The following PFKL variants were observed in gnomAD, a reference collection of about 807,000 sequenced individuals.
PFKL encodes phosphofructokinase, liver type, also known as ATP-dependent 6-phosphofructokinase, liver type.
PFKL carries 74 observed loss-of-function variants against 92.1 expected under a neutral mutation model. That is an observed-to-expected ratio of 0.80 (90% CI 0.67 to 0.97). The LOEUF (loss-of-function observed/expected upper bound fraction) is 0.97. PFKL is among the 50% of genes least tolerant of loss of function. The probability of loss-of-function intolerance (pLI) is 0.00; values close to 1 mark genes in which losing one functional copy is unlikely to be tolerated. For synonymous variants in PFKL, 494 were observed against 456.4 expected (o/e 1.08, Z -1.05); for missense variants, 1,028 against 1,116.6 (o/e 0.92, Z 1.13).
intron 1 of PFKL, chr21:44,305,993 G>T (rs908402890): frequency 8.3e-7 from 1 of 1,210,488 alleles, no homozygotes; most frequent in Non-Finnish European, 1.1e-6. Flanking sequence ...GGCTGAGGCC[G>T]GAGGGGCTCT....
intron 1 of PFKL, 74 bp downstream of exon 1, chr21:44,300,264 C>A: frequency 1.4e-6 from 1 of 704,862 alleles, no homozygotes; most frequent in Non-Finnish European, 1.8e-6. Context: ...CCGGAGCGCC[C>A]GCCGAGCCCC....
chr21:44,325,369 C>T (rs777432758), intron 19 of PFKL, 105 bp downstream of exon 19: 245 of 748,556 alleles, frequency 3.3e-4, no homozygotes, highest in Middle Eastern at 3.1e-4. Flanking sequence ...CGGGCACTCC[C>T]GGCAGGCCCT....
In PFKL at chr21:44,316,611, G is replaced by A. The variant is rs527529423; in HGVS notation, c.936+87G>A. ...TGTGGGCAGTGTGCACGCGAGCATGGCACGTGCACTGTGTCCATGTGGCTG... is the reference window on the plus strand; with the variant it reads ...TGTGGGCAGTGTGCACGCGAGCATGACACGTGCACTGTGTCCATGTGGCTG... On this transcript the variant is annotated intron_variant, in intron 9 of 21. Coordinates refer to ENST00000349048, the MANE Select transcript of PFKL (RefSeq NM_002626.6). The A allele has an allele frequency of 1.3e-4, 121 of 965,750 alleles. 1 individual carries two copies. In the Admixed American group the frequency reaches 1.4e-3, roughly 11 times the overall value. 59.8% of individuals were successfully genotyped at this position (965,750 alleles called of 1,614,324 possible).
In PFKL at chr21:44,324,626, G is replaced by A. The variant is rs138177950; in HGVS notation, c.1786G>A (p.Glu596Lys). Reference protein sequence around the residue: ...AVGADAAYVFEDPFNIHDLKV... With the variant: ...AVGADAAYVFKDPFNIHDLKV... ...GGGGGCCGACGCCGCCTACGTCTTC[G>A]AGGACCCTTTCAACATCCACGACTT... Residue 596 changes from glutamate (E) to lysine (K), a missense_variant, in exon 17 of 22, where the codon GAG (glutamate) becomes AAG (lysine). Physicochemically the swap from Glu to Lys is moderately conservative, Grantham distance 56. Coordinates refer to ENST00000349048, the MANE Select transcript of PFKL (RefSeq NM_002626.6). 5.6e-6 allele frequency: 9 copies of A among 1,605,576 alleles called. No homozygotes were observed. The highest frequency in any genetic ancestry group is 1.7e-5 in the Admixed American group (1 of 59,348).
At chr21:44,306,398 C>T (rs554819105) in intron 1 of PFKL, among the ~76,000 whole-genome samples, 2 of 152,298 alleles carry the variant, frequency 1.3e-5, no homozygotes, top group East Asian at 1.9e-4. Flanking sequence ...ACCCGGGGGC[C>T]CAGGGCTGGT....
chr21:44,315,227 A>C (rs536130955), intron 7 of PFKL: 1 of 152,266 alleles, frequency 6.6e-6, no homozygotes, highest in Non-Finnish European at 1.5e-5. Context: ...TGTGACTCAC[A>C]TTGGGCCCTC....
chr21:44,308,568 T>C (rs994119893), intron 2 of PFKL, among the ~76,000 whole-genome samples: 1 of 150,152 alleles, frequency 6.7e-6, no homozygotes, highest in Non-Finnish European at 1.5e-5. Context: ...AATTTTTTTT[T>C]TTTTTTTTTT....
chr21:44,323,939 G>T lies in PFKL; in HGVS notation c.1650+21G>T, dbSNP rs743481. 14,804 of 1,612,634 alleles carry T rather than the reference G, an allele frequency of 9.2e-3. 751 individuals carry two copies. In the African/African-American group the frequency reaches 0.13, roughly 14 times the overall value. ...TGGAGGTACGGGGCTCCTGGACACC[G>T]GCCTGCCATGCCCAGGCCCTTGTGG... On this transcript the variant is annotated intron_variant, in intron 16 of 21. Transcript: ENST00000349048.
intron 12 of PFKL, 143 bp from the exon 13 acceptor site, chr21:44,321,586 T>G: frequency 1.4e-6 from 1 of 700,334 alleles, no homozygotes; most frequent in South Asian, 2.4e-5. Context: ...CCCAGGGCAG[T>G]TGGGCGGTGT....
At chr21:44,302,429 TC>T (rs2040804603) in intron 1 of PFKL, among the ~76,000 whole-genome samples, 1 of 152,194 alleles carries the variant, frequency 6.6e-6, no homozygotes, top group African/African-American at 2.4e-5. Flanking sequence ...GAGTCCTGTT[TC>T]ATGAGTTCGG....
intron 11 of PFKL, chr21:44,319,834 C>T (rs766142036): frequency 1.4e-5 from 7 of 514,776 alleles, no homozygotes; most frequent in East Asian, 3.3e-5. Context: ...AGGTGGCCAA[C>T]CCTCCCTTGA....
chr21:44,314,095 C>A, intron 7 of PFKL, 74 bp downstream of exon 7: 1 of 991,494 alleles, frequency 1.0e-6, no homozygotes, highest in Non-Finnish European at 1.5e-6. Context: ...GTTTTGGGAC[C>A]AGCCTTGACC....
At chr21:44,303,410 C>CAAAA (rs1190805609) in intron 1 of PFKL, among the ~76,000 whole-genome samples, 1 of 9,164 alleles carries the variant, frequency 1.1e-4, no homozygotes, top group Non-Finnish European at 1.9e-4. Context: ...GACTCTGTCT[C>CAAAA]AAAAAAAAAA....
At chr21:44,305,153 C>T (rs2040895170) in intron 1 of PFKL, 1 of 1,024,584 alleles carries the variant, frequency 9.8e-7, no homozygotes, top group Middle Eastern at 4.1e-4. Flanking sequence ...GAAGGTCCCT[C>T]ACCCTCCCTC....
chr21:44,319,031 G>T lies in PFKL; in HGVS notation c.1063-320G>T, dbSNP rs78152039. 2.0e-5 allele frequency among the ~76,000 whole-genome samples: 3 copies of T among 152,270 alleles called. No homozygotes were observed. In the East Asian group the frequency reaches 5.8e-4, roughly 29 times the overall value. ...GGTACGGGGAAGGCAGAGGCGAGGGGGCCGGGTGTGGGGGCTGGTCCAGCC... is the reference window on the plus strand; with the variant it reads ...GGTACGGGGAAGGCAGAGGCGAGGGTGCCGGGTGTGGGGGCTGGTCCAGCC... On this transcript the variant is annotated intron_variant, in intron 10 of 21. Transcript: ENST00000349048.
At chr21:44,310,155 C>T (rs1432358000) in intron 2 of PFKL, among the ~76,000 whole-genome samples, 2 of 152,240 alleles carry the variant, frequency 1.3e-5, no homozygotes, top group Non-Finnish European at 2.9e-5. Context: ...CGCCCTTCTC[C>T]TCTCCACACC....
chr21:44,305,601 G>C (rs532185348), intron 1 of PFKL, among the ~76,000 whole-genome samples: 2 of 152,258 alleles, frequency 1.3e-5, no homozygotes, highest in Admixed American at 1.3e-4. Context: ...CCTGTTACAC[G>C]GCCCCAGACC....
chr21:44,316,482 C>T lies in PFKL; in HGVS notation c.894C>T (p.His298=), dbSNP rs771292647. ...ACACCCGTGTAACTGTGCTGGGCCA[C>T]GTGCAGCGGGGAGGGACGCCCTCTG... ...GFDTRVTVLG[H]VQRGGTPSAF... The change falls in exon 9 of 22, where the codon CAC becomes CAT. Residue 298 remains histidine, a synonymous_variant. Coordinates refer to ENST00000349048, the MANE Select transcript of PFKL (RefSeq NM_002626.6). 20 of 1,608,096 alleles carry T rather than the reference C, an allele frequency of 1.2e-5. 1 individual carries two copies. The highest frequency in any genetic ancestry group is 8.0e-5 in the African/African-American group (6 of 74,854).
intron 1 of PFKL, 131 bp from the exon 2 acceptor site, chr21:44,306,550 C>T (rs1331313680): frequency 4.4e-6 from 3 of 682,470 alleles, no homozygotes; most frequent in Admixed American, 2.4e-5. Context: ...CCAGGGCCTT[C>T]CCCCACCACC....
Sources: gnomAD v4.1 joint callset for allele counts (sites outside exome capture counted in the v4.1 genomes callset) on GRCh38, gnomAD v4.1.1 for gene constraint, MANE v1.5 for transcripts, NCBI Gene and HGNC (gene_info 2026-07-23, HGNC 2026-07-21) for gene names.